CADPS: variants seen among roughly 807,000 people sequenced by gnomAD.
The protein encoded by CADPS is calcium dependent secretion activator.
A neutral mutation model predicts 167.3 loss-of-function variants in CADPS; 57 were observed. The ratio of observed to expected loss-of-function variants is 0.34; its 90% CI spans 0.28 to 0.42. The LOEUF is 0.42. Ranked by LOEUF, CADPS falls within the 20% of genes least tolerant of loss-of-function variation. The pLI is 1.00. For missense variants in CADPS, 1,414 were observed against 1,738.1 expected (o/e 0.81, Z 3.32); for synonymous variants, 676 against 635.3 (o/e 1.06, Z -0.96).
intron 1 of CADPS, among the ~76,000 whole-genome samples, chr3:62,862,454 T>A (rs991916595): frequency 6.6e-6 from 1 of 152,078 alleles, no homozygotes; most frequent in African/African-American, 2.4e-5. Context: ...TGTGATCTAC[T>A]CACCTCGGCC....
intron 18 of CADPS, 26 bp from the exon 19 acceptor site, chr3:62,493,691 A>G (rs1366490030): frequency 8.4e-6 from 13 of 1,552,078 alleles, no homozygotes; most frequent in Non-Finnish European, 7.9e-6. Context: ...AATGAAAAAA[A>G]TCAAGTCATG....
chr3:62,807,301 G>A (rs1314987667), intron 1 of CADPS, among the ~76,000 whole-genome samples: 1 of 140,788 alleles, frequency 7.1e-6, no homozygotes, highest in Non-Finnish European at 1.6e-5. Flanking sequence ...TGCTCTTGTC[G>A]CCCAGGCTGG....
chr3:62,873,756 C>A (rs941715726), intron 1 of CADPS, among the ~76,000 whole-genome samples: 1 of 152,090 alleles, frequency 6.6e-6, no homozygotes, highest in African/African-American at 2.4e-5. Context: ...AGTGGCAGGG[C>A]TTGGAGGACC....
At chr3:62,486,095 G>T (rs1576670645) in intron 21 of CADPS, among the ~76,000 whole-genome samples, 1 of 152,120 alleles carries the variant, frequency 6.6e-6, no homozygotes, top group East Asian at 1.9e-4. Flanking sequence ...TACTTCACAT[G>T]TATCTTATGG....
At chr3:62,741,981 A>G (rs1261769251) in intron 3 of CADPS, among the ~76,000 whole-genome samples, 4 of 152,160 alleles carry the variant, frequency 2.6e-5, no homozygotes, top group Non-Finnish European at 5.9e-5. Flanking sequence ...TACAACAACA[A>G]CAGTGAAGGT....
At chr3:62,845,248 G>C (rs1392464236) in intron 1 of CADPS, among the ~76,000 whole-genome samples, 8 of 152,188 alleles carry the variant, frequency 5.3e-5, no homozygotes, top group Non-Finnish European at 7.3e-5. Flanking sequence ...TTGAGCTTCT[G>C]TATTGGAAGA....
At chr3:62,538,155 C>A (rs907378638) in intron 11 of CADPS, among the ~76,000 whole-genome samples, 5 of 152,068 alleles carry the variant, frequency 3.3e-5, no homozygotes, top group Non-Finnish European at 5.9e-5. Flanking sequence ...CAGATTTATC[C>A]TCAGGAAAGT....
chr3:62,603,869 C>G (rs1285623490), intron 6 of CADPS, among the ~76,000 whole-genome samples: 1 of 152,062 alleles, frequency 6.6e-6, no homozygotes, highest in Non-Finnish European at 1.5e-5. Flanking sequence ...CTCTGTCACC[C>G]AGGCTGGAGT....
At chr3:62,844,381 T>C (rs114031366) in intron 1 of CADPS, among the ~76,000 whole-genome samples, 3,598 of 152,282 alleles carry the variant, frequency 0.024, 66 homozygotes, top group South Asian at 0.066. Flanking sequence ...AATCTGAGGT[T>C]GACACACCTA....
At chr3:62,694,087 A>G (rs2079782113) in intron 3 of CADPS, among the ~76,000 whole-genome samples, 1 of 152,066 alleles carries the variant, frequency 6.6e-6, no homozygotes. Context: ...GGTGGCAGGG[A>G]TAGAAGCTAC....
At chr3:62,599,624 A>G (rs1448073420) in intron 6 of CADPS, among the ~76,000 whole-genome samples, 1 of 41,498 alleles carries the variant, frequency 2.4e-5, no homozygotes, top group Non-Finnish European at 4.2e-5. Context: ...TATATAATAT[A>G]TAATATAATA....
At chr3:62,600,547 G>A (rs767945137) in intron 6 of CADPS, among the ~76,000 whole-genome samples, 13 of 152,128 alleles carry the variant, frequency 8.5e-5, no homozygotes, top group African/African-American at 1.2e-4. Flanking sequence ...ATCTAAAAGC[G>A]CCATATTGGC....
chr3:62,453,153 C>T (rs979525477), intron 26 of CADPS, among the ~76,000 whole-genome samples: 6 of 151,768 alleles, frequency 4.0e-5, no homozygotes, highest in Non-Finnish European at 8.8e-5. Context: ...GAATAATAAA[C>T]AATATAATAA....
chr3:62,631,848 G>A (rs776067178), intron 6 of CADPS, among the ~76,000 whole-genome samples: 4 of 152,130 alleles, frequency 2.6e-5, no homozygotes, highest in Non-Finnish European at 5.9e-5. Context: ...GGTAGAAGCC[G>A]AAGAGATAGA....
rs368095218 is a variant in CADPS at position 62,822,734 on chromosome 3, G to A, written c.441+51855C>T. Among the ~76,000 whole-genome samples, 59 of 152,188 alleles carry A rather than the reference G, an allele frequency of 3.9e-4. 2 individuals are homozygous for A. In the South Asian group the frequency reaches 0.012, roughly 31 times the overall value. ...GCGCATGCCTGTAATCCCTGCTACT[G>A]AAGAGGCTGAAGTAGGAGAACGGCT... On this transcript the variant is annotated intron_variant, in intron 1 of 29. Transcript: ENST00000383710.
At chr3:62,464,892 G>A (rs1296213976) in intron 26 of CADPS, among the ~76,000 whole-genome samples, 1 of 152,152 alleles carries the variant, frequency 6.6e-6, no homozygotes, top group Non-Finnish European at 1.5e-5. Context: ...AGAATTTTCT[G>A]TGAATTCTCC....
At chr3:62,613,134 T>G (rs12495782) in intron 6 of CADPS, among the ~76,000 whole-genome samples, 29,351 of 152,048 alleles carry the variant, frequency 0.19, 3,423 homozygotes, top group East Asian at 0.58. Context: ...CCCATCAAGC[T>G]GCTCCTCCTT....
intron 1 of CADPS, among the ~76,000 whole-genome samples, chr3:62,802,270 C>A (rs771691836): frequency 1.3e-5 from 2 of 152,160 alleles, no homozygotes; most frequent in Non-Finnish European, 2.9e-5. Flanking sequence ...AAAACACACT[C>A]TCATGAGTTT....
At chr3:62,633,889 A>T (rs535213510) in intron 6 of CADPS, among the ~76,000 whole-genome samples, 1 of 152,314 alleles carries the variant, frequency 6.6e-6, no homozygotes, top group South Asian at 2.1e-4. Flanking sequence ...AGTTATTTTT[A>T]CAATGTTGCT....
Sources: allele counts gnomAD v4.1 joint callset (sites outside exome capture counted in the v4.1 genomes callset), GRCh38; gene constraint gnomAD v4.1.1; transcripts MANE v1.5; gene names NCBI Gene and HGNC (gene_info 2026-07-23, HGNC 2026-07-21).